Variants in DGKB observed in about 807,000 individuals in gnomAD.
The protein encoded by DGKB is 90 kDa diacylglycerol kinase.
DGKB carries 67 observed loss-of-function variants against 114.3 expected under a neutral mutation model. The ratio of observed to expected loss-of-function variants is 0.59; its 90% confidence interval spans 0.48 to 0.72. DGKB has a LOEUF of 0.72. Among genes scored for constraint, DGKB ranks in the 30% least tolerant of loss-of-function variants. The pLI, the probability that DGKB is intolerant of heterozygous loss-of-function variation, is 0.00. For missense variants in DGKB, 907 were observed against 975.2 expected (o/e 0.93, Z 0.93); for synonymous variants, 398 against 323.1 (o/e 1.23, Z -2.49).
intron 1 of DGKB, among the ~76,000 whole-genome samples, chr7:14,866,212 T>C (rs1562762662): frequency 6.6e-6 from 1 of 152,136 alleles, no homozygotes; most frequent in African/African-American, 2.4e-5. Context: ...TTTTTAAAAT[T>C]CCCCACCAGA....
At chr7:14,661,736 C>T (rs1178085771) in intron 13 of DGKB, among the ~76,000 whole-genome samples, 1 of 151,436 alleles carries the variant, frequency 6.6e-6, no homozygotes, top group Non-Finnish European at 1.5e-5. Flanking sequence ...AATCATGCTG[C>T]TATAAAGACA....
chr7:14,882,597 C>T (rs1330505418), intron 1 of DGKB, among the ~76,000 whole-genome samples: 2 of 151,916 alleles, frequency 1.3e-5, no homozygotes, highest in African/African-American at 4.8e-5. Context: ...CTTCCCATCC[C>T]TTCTCCCTTC....
intron 1 of DGKB, among the ~76,000 whole-genome samples, chr7:14,910,294 GA>G (rs1299523527): frequency 7.9e-6 from 1 of 126,680 alleles, no homozygotes; most frequent in African/African-American, 3.0e-5. Flanking sequence ...AAGAAAGAAA[GA>G]AAGAAAGAAA....
intron 1 of DGKB, among the ~76,000 whole-genome samples, chr7:14,860,934 A>G (rs886434252): frequency 6.6e-6 from 1 of 152,018 alleles, no homozygotes; most frequent in Non-Finnish European, 1.5e-5. Context: ...GAATTAAAGA[A>G]GACACAATGT....
At chr7:14,724,625 C>A (rs1483056582) in intron 5 of DGKB, among the ~76,000 whole-genome samples, 1 of 152,174 alleles carries the variant, frequency 6.6e-6, no homozygotes, top group Non-Finnish European at 1.5e-5. Context: ...AGCAGAGTAA[C>A]CTCTGTGAAG....
intron 20 of DGKB, among the ~76,000 whole-genome samples, chr7:14,541,352 G>A (rs536963608): frequency 6.6e-6 from 1 of 152,186 alleles, no homozygotes; most frequent in African/African-American, 2.4e-5. Flanking sequence ...GAAAATATTT[G>A]GCAATGCGAA....
At chr7:14,513,773 G>T (rs1049338209) in intron 20 of DGKB, among the ~76,000 whole-genome samples, 64 of 152,038 alleles carry the variant, frequency 4.2e-4, no homozygotes, top group Non-Finnish European at 2.9e-5. Context: ...ATAATGTTTA[G>T]TTAAAGCAGA....
At chr7:14,533,815 A>G (rs1486740360) in intron 20 of DGKB, among the ~76,000 whole-genome samples, 2 of 151,998 alleles carry the variant, frequency 1.3e-5, no homozygotes, top group Admixed American at 6.6e-5. Context: ...AGTACTCAGC[A>G]AAACTGTCCT....
Position 14,317,531 on chromosome 7 carries a change from C to T in DGKB, c.2122+20984G>A, listed in dbSNP as rs569982985. On this transcript the variant is annotated intron_variant, in intron 23 of 25. Transcript: ENST00000402815. ...GCCAAATCATGAGTGAACTCCCATT[C>T]ACAATTGCTTCAAAGAGAATAAAAG... Among the ~76,000 whole-genome samples, 28 of 151,738 alleles carry T rather than the reference C, an allele frequency of 1.8e-4. No individual in the cohort carries two copies. The East Asian group carries it at 2.0e-3, about 11-fold the overall frequency.
intron 1 of DGKB, among the ~76,000 whole-genome samples, chr7:14,883,646 C>G (rs753147429): frequency 6.6e-6 from 1 of 151,908 alleles, no homozygotes; most frequent in African/African-American, 2.4e-5. Flanking sequence ...ACTATTCATA[C>G]TTTTGAACAA....
intron 23 of DGKB, among the ~76,000 whole-genome samples, chr7:14,267,936 G>T (rs1214381779): frequency 1.3e-5 from 2 of 151,884 alleles, no homozygotes; most frequent in Non-Finnish European, 2.9e-5. Flanking sequence ...TACTAACTAG[G>T]TTACAACAAG....
At chr7:14,306,166 T>TA (rs1275507951) in intron 23 of DGKB, among the ~76,000 whole-genome samples, 1 of 152,174 alleles carries the variant, frequency 6.6e-6, no homozygotes, top group African/African-American at 2.4e-5. Context: ...AATTTAATTT[T>TA]ATCCCAGTGA....
intron 18 of DGKB, among the ~76,000 whole-genome samples, chr7:14,582,467 C>G (rs1264535281): frequency 6.6e-6 from 1 of 152,156 alleles, no homozygotes; most frequent in Non-Finnish European, 1.5e-5. Flanking sequence ...AATCTCAGCT[C>G]TCTCAGTTCA....
intron 1 of DGKB, among the ~76,000 whole-genome samples, chr7:14,930,790 T>C (rs756524143): frequency 6.6e-6 from 1 of 152,250 alleles, no homozygotes; most frequent in African/African-American, 2.4e-5. Flanking sequence ...TTCCAGTTCT[T>C]AGAGGGAATG....
At chr7:14,475,500 A>G (rs552621600) in intron 21 of DGKB, among the ~76,000 whole-genome samples, 2 of 152,292 alleles carry the variant, frequency 1.3e-5, no homozygotes, top group African/African-American at 4.8e-5. Context: ...ACGTGGTAAT[A>G]TATGGAATTC....
intron 21 of DGKB, among the ~76,000 whole-genome samples, chr7:14,367,331 T>C (rs913569826): frequency 3.9e-5 from 6 of 152,016 alleles, no homozygotes; most frequent in Admixed American, 6.6e-5. Flanking sequence ...GACAGGCAAT[T>C]GAATCATGAG....
intron 13 of DGKB, among the ~76,000 whole-genome samples, chr7:14,648,447 C>G (rs528832110): frequency 1.3e-5 from 2 of 152,012 alleles, no homozygotes; most frequent in Non-Finnish European, 2.9e-5. Context: ...CTCTGTTAGA[C>G]GGAAAACTAA....
intron 1 of DGKB, among the ~76,000 whole-genome samples, chr7:14,846,181 T>A (rs2215430): frequency 6.6e-6 from 1 of 152,002 alleles, no homozygotes; most frequent in East Asian, 1.9e-4. Flanking sequence ...AATAATGGTA[T>A]CTCTGAGTGG....
chr7:14,803,561 C>T (rs1024581907), intron 2 of DGKB, among the ~76,000 whole-genome samples: 1 of 152,074 alleles, frequency 6.6e-6, no homozygotes, highest in Non-Finnish European at 1.5e-5. Context: ...AATCAAATGG[C>T]TTTCTGTTTC....
Sources: allele counts gnomAD v4.1 joint callset (sites outside exome capture counted in the v4.1 genomes callset), GRCh38; gene constraint gnomAD v4.1.1; transcripts MANE v1.5; gene names NCBI Gene and HGNC (gene_info 2026-07-23, HGNC 2026-07-21).